PIWIL1: variants seen among roughly 807,000 people sequenced by gnomAD.
PIWIL1 encodes piwi-like protein 1.
A neutral mutation model predicts 114.4 loss-of-function variants in PIWIL1; 73 were observed. That is an observed-to-expected ratio of 0.64 (90% CI 0.53 to 0.78). PIWIL1 has a LOEUF of 0.78. Ranked by LOEUF, PIWIL1 falls within the 30% of genes least tolerant of loss-of-function variation. PIWIL1 has a pLI of 0.00. For synonymous variants in PIWIL1, 375 were observed against 369.0 expected, an observed-to-expected ratio of 1.02 and a Z score of -0.19; for missense variants, 723 against 1,063.1, an observed-to-expected ratio of 0.68 and a Z score of 4.45.
chr12:130,410,690 G>T, the PIWIL1 span, among the ~76,000 whole-genome samples: 94 of 152,254 alleles, frequency 6.2e-4, no homozygotes, highest in African/African-American at 2.1e-3. Flanking sequence ...TCTGTTTCTG[G>T]ACTTCATTCT....
At chr12:130,421,778 C>A in the PIWIL1 span, among the ~76,000 whole-genome samples, 1 of 151,304 alleles carries the variant, frequency 6.6e-6, no homozygotes, top group Non-Finnish European at 1.5e-5. Flanking sequence ...TTATCTTGTG[C>A]ATAATACTTT....
chr12:130,422,439 A>C, the PIWIL1 span: 7 of 1,574,658 alleles, frequency 4.4e-6, no homozygotes, highest in East Asian at 1.4e-4. The surrounding 1 kb of genome is among the most constrained non-coding windows in gnomAD (Gnocchi z 5.2). Context: ...AACAGCGATG[A>C]TGGGGCCACT....
the PIWIL1 span, among the ~76,000 whole-genome samples, chr12:130,382,831 T>G: frequency 8.4e-4 from 128 of 152,350 alleles, no homozygotes; most frequent in African/African-American, 2.9e-3. Flanking sequence ...ATAGTTTCAG[T>G]CAAATAATAC....
chr12:130,368,799 TA>T lies in PIWIL1; in HGVS notation c.2321+1547del, dbSNP rs758337565. On this transcript the variant is annotated intron_variant, in intron 19 of 20. Coordinates refer to ENST00000245255, the MANE Select transcript of PIWIL1 (RefSeq NM_004764.5). ...AAAATCCCAGTTGAATTATGAAGTA[TA>T]AAAAACGTCATGAGTTTTCACTAGA... Among the ~76,000 whole-genome samples, 508 of 152,028 alleles carry T rather than the reference TA, an allele frequency of 3.3e-3. 1 individual carries two copies. Among genetic ancestry groups the T allele is most frequent in the Non-Finnish European group, 4.1e-3 (282 of 67,990 alleles).
At chr12:130,412,874 C>T in the PIWIL1 span, 21 of 1,213,084 alleles carry the variant, frequency 1.7e-5, no homozygotes, top group African/African-American at 6.1e-5. Context: ...TGAGTGTAGT[C>T]GAAAATATAT....
the PIWIL1 span, among the ~76,000 whole-genome samples, chr12:130,411,361 C>T: frequency 2.0e-5 from 3 of 152,070 alleles, no homozygotes; most frequent in Admixed American, 6.5e-5. Flanking sequence ...CTCACCATGT[C>T]GCCCTGGTTA....
the PIWIL1 span, among the ~76,000 whole-genome samples, chr12:130,377,989 G>T: frequency 6.6e-6 from 1 of 152,206 alleles, no homozygotes; most frequent in Non-Finnish European, 1.5e-5. Flanking sequence ...CAACTTACAT[G>T]CCATTGCTTC....
intron 6 of PIWIL1, 121 bp from the exon 7 acceptor site, chr12:130,347,981 AG>A (rs1374143915): frequency 1.7e-6 from 1 of 587,064 alleles, no homozygotes; most frequent in African/African-American, 1.9e-5. Flanking sequence ...AACAGCAGGT[AG>A]GTTGGATTTG....
the PIWIL1 span, among the ~76,000 whole-genome samples, chr12:130,391,767 G>A: frequency 4.8e-5 from 7 of 145,158 alleles, no homozygotes; most frequent in Non-Finnish European, 1.5e-5. Context: ...AGAGAGGGGT[G>A]AGGATGCAGA....
At chr12:130,417,285 C>G in the PIWIL1 span, among the ~76,000 whole-genome samples, 3 of 152,298 alleles carry the variant, frequency 2.0e-5, no homozygotes, top group African/African-American at 7.2e-5. Context: ...GACACAGGCA[C>G]TCAATATGGT....
chr12:130,387,671 A>C, the PIWIL1 span, among the ~76,000 whole-genome samples: 6 of 90,294 alleles, frequency 6.6e-5, no homozygotes, highest in South Asian at 1.2e-3. Flanking sequence ...CCATTCACCC[A>C]TGCACACCAC....
chr12:130,353,584 T>C (rs892020094), intron 9 of PIWIL1, among the ~76,000 whole-genome samples: 1 of 152,170 alleles, frequency 6.6e-6, no homozygotes, highest in Non-Finnish European at 1.5e-5. Flanking sequence ...GGTTCTAGAA[T>C]TGCCGAACTG....
chr12:130,342,252 A>T (rs1367892363), intron 1 of PIWIL1: 2 of 321,694 alleles, frequency 6.2e-6, no homozygotes, highest in Non-Finnish European at 1.2e-5. Flanking sequence ...GGAAAGAAAG[A>T]ACCAGCCACC....
intron 18 of PIWIL1, among the ~76,000 whole-genome samples, chr12:130,363,828 A>G (rs962819340): frequency 1.3e-5 from 2 of 151,830 alleles, no homozygotes; most frequent in African/African-American, 2.4e-5. Context: ...ACGTTTGCCA[A>G]GCTGGTCTCA....
At chr12:130,361,405 G>T in intron 15 of PIWIL1, 25 bp downstream of exon 15, 1 of 1,612,418 alleles carries the variant, frequency 6.2e-7, no homozygotes, top group Middle Eastern at 1.7e-4. Context: ...ATTGGTAGAT[G>T]CCGTTTTAAA....
the PIWIL1 span, among the ~76,000 whole-genome samples, chr12:130,405,737 G>A: frequency 6.6e-6 from 1 of 151,090 alleles, no homozygotes; most frequent in Non-Finnish European, 1.5e-5. Context: ...AAAGGTAAGG[G>A]AGAAGTCCTA....
At chr12:130,369,100 A>T (rs955241562) in intron 19 of PIWIL1, among the ~76,000 whole-genome samples, 1 of 151,964 alleles carries the variant, frequency 6.6e-6, no homozygotes, top group African/African-American at 2.4e-5. Flanking sequence ...CTCCATGTTC[A>T]TGTGTTCTCA....
intron 14 of PIWIL1, among the ~76,000 whole-genome samples, chr12:130,360,529 G>A (rs1322613568): frequency 6.6e-6 from 1 of 152,078 alleles, no homozygotes; most frequent in African/African-American, 2.4e-5. Context: ...GCTACTCTGG[G>A]GGCTGAGGCA....
At chr12:130,412,741 C>T in the PIWIL1 span, 1 of 1,613,974 alleles carries the variant, frequency 6.2e-7, no homozygotes, top group Non-Finnish European at 8.5e-7. Flanking sequence ...AAGCCGGGCA[C>T]AGGTTTCCCC....
Sources: gnomAD v4.1 joint callset for allele counts (sites outside exome capture counted in the v4.1 genomes callset) on GRCh38, gnomAD v4.1.1 for gene constraint, Gnocchi (gnomAD v3.1) non-coding constraint, MANE v1.5 for transcripts, NCBI Gene and HGNC (gene_info 2026-07-23, HGNC 2026-07-21) for gene names.